The following STAG1 variants were observed in gnomAD, a reference collection of about 807,000 sequenced individuals.
STAG1 encodes STAG1 cohesin complex component, also known as cohesin subunit SA-1.
A neutral mutation model predicts 170.9 loss-of-function variants in STAG1; 26 were observed. That is an observed-to-expected ratio of 0.15 (90% CI 0.11 to 0.21). STAG1 has a LOEUF of 0.21. Among genes scored for constraint, STAG1 ranks in the 10% least tolerant of loss-of-function variants. STAG1 has a pLI of 1.00. For missense variants in STAG1, 964 were observed against 1,509.5 expected, an observed-to-expected ratio of 0.64 and a Z score of 5.99; for synonymous variants, 514 against 497.7, an observed-to-expected ratio of 1.03 and a Z score of -0.44.
intron 4 of STAG1, among the ~76,000 whole-genome samples, chr3:136,574,105 G>C (rs1446813253): frequency 6.6e-6 from 1 of 151,974 alleles, no homozygotes; most frequent in East Asian, 1.9e-4. Flanking sequence ...GGTGGGCATG[G>C]TGGCACGCGC....
intron 14 of STAG1, among the ~76,000 whole-genome samples, chr3:136,444,331 G>T (rs535243052): frequency 6.6e-6 from 1 of 152,260 alleles, no homozygotes; most frequent in East Asian, 1.9e-4. Context: ...GCCTCGGCCT[G>T]CCAAAGTACT....
chr3:136,669,420 C>G (rs1423789582), intron 1 of STAG1, among the ~76,000 whole-genome samples: 1 of 152,146 alleles, frequency 6.6e-6, no homozygotes, highest in African/African-American at 2.4e-5. Flanking sequence ...GTGGTGCAAT[C>G]ATGGCTCACT....
At chr3:136,374,001 C>T (rs1313841147) in intron 23 of STAG1, among the ~76,000 whole-genome samples, 2 of 152,108 alleles carry the variant, frequency 1.3e-5, no homozygotes, top group Non-Finnish European at 2.9e-5. Flanking sequence ...TCACTAAGGA[C>T]TTGCTTTATG....
At chr3:136,419,139 T>A (rs2087869652) in intron 20 of STAG1, among the ~76,000 whole-genome samples, 2 of 152,202 alleles carry the variant, frequency 1.3e-5, no homozygotes, top group South Asian at 4.1e-4. Flanking sequence ...TAAATTTTTA[T>A]ATTCTCATGG....
At chr3:136,406,534 A>G (rs998462210) in intron 21 of STAG1, among the ~76,000 whole-genome samples, 1 of 152,196 alleles carries the variant, frequency 6.6e-6, no homozygotes, top group Non-Finnish European at 1.5e-5. Context: ...TAAATAAAAA[A>G]TTAGTCATTT....
rs1340663302 is a variant in STAG1 at position 136,337,561 on chromosome 3, T to C, written c.*693A>G. On this transcript the variant is annotated 3_prime_UTR_variant, in exon 34 of 34. Coordinates refer to ENST00000383202, the MANE Select transcript of STAG1 (RefSeq NM_005862.3). The stretch of plus-strand genomic sequence containing the variant: ...ATGGCTGCATGGACATTTCTTATTT[T>C]ATGCCCACTTATAAATAAAAATAAA... 1 of 152,692 alleles carries C rather than the reference T, an allele frequency of 6.5e-6. No individual in the cohort carries two copies. Among genetic ancestry groups the C allele is most frequent in the African/African-American group, 2.4e-5 (1 of 41,474 alleles). 9.5% of individuals were successfully genotyped at this position (152,692 alleles called of 1,614,324 possible).
intron 1 of STAG1, among the ~76,000 whole-genome samples, chr3:136,723,464 C>G (rs1199540280): frequency 1.3e-5 from 2 of 151,536 alleles, no homozygotes; most frequent in Non-Finnish European, 2.9e-5. Flanking sequence ...GGCAACCGCC[C>G]CATATGAGAA....
intron 1 of STAG1, among the ~76,000 whole-genome samples, chr3:136,726,827 A>G (rs2107935802): frequency 6.6e-6 from 1 of 152,284 alleles, no homozygotes; most frequent in Admixed American, 6.5e-5. Context: ...AATACACCCT[A>G]CATAATCCAG....
At chr3:136,565,479 C>T (rs1937043359) in intron 5 of STAG1, among the ~76,000 whole-genome samples, 1 of 152,126 alleles carries the variant, frequency 6.6e-6, no homozygotes, top group Non-Finnish European at 1.5e-5. Context: ...CAGTTAGATA[C>T]CACTTTATAC....
intron 6 of STAG1, among the ~76,000 whole-genome samples, chr3:136,527,844 G>A (rs1416924078): frequency 6.6e-6 from 1 of 152,154 alleles, no homozygotes; most frequent in African/African-American, 2.4e-5. Context: ...GTTTGCTGGA[G>A]GGCCACTCCA....
At chr3:136,751,172 G>GTTTTTTTTTTT (rs776717703) in intron 1 of STAG1, among the ~76,000 whole-genome samples, 1 of 136,160 alleles carries the variant, frequency 7.3e-6, no homozygotes. Flanking sequence ...GACAAATTGC[G>GTTTTTTTTTTT]TTTTTTTTTT....
chr3:136,559,666 CA>C (rs1576606776), intron 5 of STAG1, among the ~76,000 whole-genome samples: 3 of 152,120 alleles, frequency 2.0e-5, no homozygotes, highest in Admixed American at 2.0e-4. Flanking sequence ...CAAAGGAAAA[CA>C]ATACAATATT....
intron 22 of STAG1, among the ~76,000 whole-genome samples, chr3:136,397,155 T>G (rs2087187436): frequency 6.6e-6 from 1 of 152,234 alleles, no homozygotes; most frequent in Non-Finnish European, 1.5e-5. Context: ...AATATCTTTA[T>G]TTGGTTCTTT....
chr3:136,747,978 G>A (rs919355180), intron 1 of STAG1, among the ~76,000 whole-genome samples: 10 of 151,624 alleles, frequency 6.6e-5, no homozygotes, highest in Admixed American at 3.9e-4. Flanking sequence ...GGGTTTCACC[G>A]TGTTGCCAGG....
rs149700978 is a variant in STAG1 at position 136,722,542 on chromosome 3, G to C, written c.-84+29653C>G. On this transcript the variant is annotated intron_variant, in intron 1 of 33. Coordinates refer to ENST00000383202, the MANE Select transcript of STAG1 (RefSeq NM_005862.3). ...TTTTAAGTAACTGTATGAGGAATGA[G>C]AAAAAACTAGGAACAAAGGAGAATT... is the stretch of plus-strand genomic sequence containing the variant. 3.1e-3 allele frequency among the ~76,000 whole-genome samples: 469 copies of C among 152,238 alleles called. 4 individuals are homozygous for C. Among genetic ancestry groups the C allele is most frequent in the African/African-American group, 9.4e-3 (392 of 41,540 alleles).
At chr3:136,566,077 TTTTTA>T (rs1460172239) in intron 5 of STAG1, among the ~76,000 whole-genome samples, 2 of 151,932 alleles carry the variant, frequency 1.3e-5, no homozygotes, top group Admixed American at 1.3e-4. Flanking sequence ...CCTGGGGAGA[TTTTTA>T]AAGTTTTGAG....
At chr3:136,340,681 G>T in intron 31 of STAG1, 76 bp from the exon 32 acceptor site, 1 of 958,450 alleles carries the variant, frequency 1.0e-6, no homozygotes, top group Non-Finnish European at 1.7e-6. Flanking sequence ...TCAGATTAAA[G>T]TTATTCTAAC....
intron 14 of STAG1, among the ~76,000 whole-genome samples, chr3:136,447,498 G>A (rs768771856): frequency 1.3e-5 from 2 of 151,644 alleles, no homozygotes; most frequent in Non-Finnish European, 2.9e-5. Flanking sequence ...AAAGAAGAAG[G>A]GTGACCATAC....
intron 4 of STAG1, among the ~76,000 whole-genome samples, chr3:136,577,085 C>G (rs1394574545): frequency 1.3e-5 from 2 of 152,114 alleles, no homozygotes; most frequent in Non-Finnish European, 2.9e-5. Context: ...CAAGCACATG[C>G]CTTGAAAGCT....
Sources: gnomAD v4.1 joint callset for allele counts (sites outside exome capture counted in the v4.1 genomes callset) on GRCh38, gnomAD v4.1.1 for gene constraint, MANE v1.5 for transcripts, NCBI Gene and HGNC (gene_info 2026-07-23, HGNC 2026-07-21) for gene names.